DMD: variants seen among roughly 807,000 people sequenced by gnomAD.
DMD encodes dystrophin.
Under a neutral mutation model 330.1 loss-of-function variants are expected in DMD, and 63 were observed. The ratio of observed to expected loss-of-function variants is 0.19; its 90% CI spans 0.16 to 0.24. The LOEUF is 0.24. DMD is among the 10% of genes least tolerant of loss of function. DMD has a pLI of 1.00. For synonymous variants in DMD, 1,223 were observed against 959.8 expected, an observed-to-expected ratio of 1.27 and a Z score of -5.07; for missense variants, 3,344 against 2,684.1, an observed-to-expected ratio of 1.25 and a Z score of -5.43.
At chrX:33,141,150 A>C (rs755763283) in intron 1 of DMD, among the ~76,000 whole-genome samples, 1 of 111,788 alleles carries the variant, frequency 8.9e-6, no homozygotes, top group Admixed American at 9.6e-5. Context: ...ACAGTCATTA[A>C]ATAGCAGCAC....
intron 44 of DMD, among the ~76,000 whole-genome samples, chrX:32,145,363 C>T (rs975497489): frequency 3.6e-5 from 4 of 111,650 alleles, no homozygotes; most frequent in Non-Finnish European, 7.5e-5. Flanking sequence ...CTATAATATG[C>T]CTGGGTGTGC....
At chrX:31,296,122 A>G (rs897026901) in intron 62 of DMD, among the ~76,000 whole-genome samples, 2 of 111,049 alleles carry the variant, frequency 1.8e-5, no homozygotes, top group African/African-American at 6.6e-5. Flanking sequence ...TTAAACATTG[A>G]ACATGGATTA....
intron 63 of DMD, among the ~76,000 whole-genome samples, chrX:31,248,759 C>A (rs990147391): frequency 8.9e-6 from 1 of 111,829 alleles, no homozygotes; most frequent in Non-Finnish European, 1.9e-5. Context: ...AGAGGGCAGG[C>A]GGAAAGGAGA....
At chrX:31,230,489 A>G (rs752430526) in intron 63 of DMD, among the ~76,000 whole-genome samples, 1 of 110,566 alleles carries the variant, frequency 9.0e-6, no homozygotes, top group South Asian at 3.9e-4. Flanking sequence ...TCTATTAAAA[A>G]CACAAAAAAA....
At chrX:32,158,079 A>G (rs5972502) in intron 44 of DMD, among the ~76,000 whole-genome samples, 13,438 of 111,667 alleles carry the variant, frequency 0.12, 763 homozygotes, top group Admixed American at 0.21. Context: ...TGGAGGCAGA[A>G]GACTTGAGAG....
At chrX:31,638,630 T>C (rs772432911) in intron 54 of DMD, among the ~76,000 whole-genome samples, 1 of 112,656 alleles carries the variant, frequency 8.9e-6, no homozygotes, top group African/African-American at 3.2e-5. Flanking sequence ...ACTTACCTAC[T>C]TGTCTAAAAG....
At chrX:31,581,187 T>C (rs946055496) in intron 55 of DMD, among the ~76,000 whole-genome samples, 1 of 112,139 alleles carries the variant, frequency 8.9e-6, no homozygotes, top group African/African-American at 3.2e-5. Context: ...ACTGACTACA[T>C]GCTGATTGGC....
At chrX:33,135,502 T>G in intron 1 of DMD, among the ~76,000 whole-genome samples, 1 of 112,464 alleles carries the variant, frequency 8.9e-6, no homozygotes, top group Non-Finnish European at 1.9e-5. Context: ...TATTAATATA[T>G]TTATATGCAG....
chrX:32,567,379 G>A (rs1030602253), intron 15 of DMD, among the ~76,000 whole-genome samples: 1 of 111,726 alleles, frequency 9.0e-6, no homozygotes, highest in Non-Finnish European at 1.9e-5. Flanking sequence ...CGGTGTGGGG[G>A]TTTAGCAATA....
intron 20 of DMD, 150 bp downstream of exon 20, chrX:32,491,127 T>G (rs1326492119): frequency 2.8e-6 from 2 of 703,576 alleles, no homozygotes; most frequent in Non-Finnish European, 4.4e-6. Flanking sequence ...TAAACAGATT[T>G]CTGTTGCTTA....
intron 1 of DMD, among the ~76,000 whole-genome samples, chrX:33,136,273 C>T (rs753016424): frequency 2.4e-3 from 133 of 54,325 alleles, no homozygotes; most frequent in Non-Finnish European, 2.7e-3. Flanking sequence ...AGTGAGACCC[C>T]GTCTCAAAAA....
At chrX:32,339,064 G>A (rs1303489376) in intron 41 of DMD, among the ~76,000 whole-genome samples, 3 of 111,791 alleles carry the variant, frequency 2.7e-5, no homozygotes, top group Non-Finnish European at 5.6e-5. Flanking sequence ...GAAAGGAGAC[G>A]AAGAAAACTT....
intron 1 of DMD, among the ~76,000 whole-genome samples, chrX:33,031,396 G>C (rs1023248324): frequency 1.8e-5 from 2 of 111,222 alleles, no homozygotes; most frequent in African/African-American, 6.5e-5. Flanking sequence ...TGGCCCATAG[G>C]AGCATCGTTA....
At chrX:32,099,079 G>A (rs190219047) in intron 44 of DMD, among the ~76,000 whole-genome samples, 1 of 111,494 alleles carries the variant, frequency 9.0e-6, no homozygotes, top group African/African-American at 3.3e-5. Context: ...GGAATAAATT[G>A]ATGTTAAGAA....
intron 25 of DMD, among the ~76,000 whole-genome samples, chrX:32,462,922 T>G (rs1236529436): frequency 9.0e-6 from 1 of 111,067 alleles, no homozygotes; most frequent in Non-Finnish European, 1.9e-5. Context: ...TTCACACCAC[T>G]GCACTCCAGC....
intron 28 of DMD, among the ~76,000 whole-genome samples, chrX:32,440,071 T>C (rs1337576632): frequency 1.8e-5 from 2 of 111,588 alleles, no homozygotes; most frequent in Admixed American, 9.6e-5. Context: ...GAATTTAGCA[T>C]GGTGCTCCAT....
chrX:31,780,777 CTT>C (rs781380043), intron 50 of DMD, among the ~76,000 whole-genome samples: 1 of 111,880 alleles, frequency 8.9e-6, no homozygotes, highest in African/African-American at 3.2e-5. Context: ...CACATAAACA[CTT>C]ATTTTTGTCT....
chrX:32,344,374 T>C (rs2097757338), intron 39 of DMD, among the ~76,000 whole-genome samples: 1 of 112,072 alleles, frequency 8.9e-6, no homozygotes, highest in Non-Finnish European at 1.9e-5. Context: ...TATGTTGGTA[T>C]AGATTGGTTT....
At chrX:32,730,104 A>G (rs1460063579) in intron 7 of DMD, among the ~76,000 whole-genome samples, 1 of 112,097 alleles carries the variant, frequency 8.9e-6, no homozygotes, top group African/African-American at 3.2e-5. Context: ...AGGCTGAGGC[A>G]GGAGGATCGC....
Sources: allele counts gnomAD v4.1 joint callset (sites outside exome capture counted in the v4.1 genomes callset), GRCh38; gene constraint gnomAD v4.1.1; transcripts MANE v1.5; gene names NCBI Gene and HGNC (gene_info 2026-07-23, HGNC 2026-07-21).